The following GTF2A1 variants were observed in gnomAD, a reference collection of about 807,000 sequenced individuals.
GTF2A1 encodes the protein transcription initiation factor IIA subunit 1.
In GTF2A1, 12 loss-of-function variants were observed where a neutral mutation model predicts 54.1. The ratio of observed to expected loss-of-function variants is 0.22; its 90% CI spans 0.14 to 0.36. The LOEUF is 0.36. Among genes scored for constraint, GTF2A1 ranks in the 10% least tolerant of loss-of-function variants. The pLI, the probability that GTF2A1 is intolerant of heterozygous loss-of-function variation, is 1.00. For synonymous variants in GTF2A1, 145 were observed against 152.0 expected (o/e 0.95, Z 0.34); for missense variants, 335 against 442.2 (o/e 0.76, Z 2.17).
intron 1 of GTF2A1, among the ~76,000 whole-genome samples, chr14:81,217,645 A>T (rs1201106340): frequency 1.3e-5 from 2 of 152,200 alleles, no homozygotes; most frequent in Non-Finnish European, 2.9e-5. Context: ...ACAAAAAATT[A>T]GCCAGGAGTG....
At position 81,195,969 on chromosome 14, in the gene GTF2A1, T is replaced by C. The variant is rs188777125; in HGVS notation, c.612+139A>G. On this transcript the variant is annotated intron_variant, in intron 6 of 8. Transcript: ENST00000553612. ...CATGCTGAATCTAAGTTAAGCTGTA[T>C]ACAGGAGAAATTTGAAACAACTGGG... 1.9e-4 allele frequency: 131 copies of C among 692,938 alleles called. No individual in the cohort carries two copies. In the African/African-American group the frequency reaches 2.2e-3, roughly 11 times the overall value. The allele number at this position is 692,938 out of a possible 1,614,324, so 42.9% of individuals were successfully genotyped here.
intron 1 of GTF2A1, 69 bp downstream of exon 1, chr14:81,220,420 C>A (rs1893603710): frequency 6.1e-6 from 7 of 1,146,054 alleles, no homozygotes; most frequent in Non-Finnish European, 8.6e-6. Context: ...GCCGTCCCCG[C>A]CCCCGCCCGG....
At chr14:81,201,507 T>C (rs1893110213) in intron 4 of GTF2A1, 87 bp downstream of exon 4, 1 of 705,754 alleles carries the variant, frequency 1.4e-6, no homozygotes. Context: ...AAACTTCAAG[T>C]AGTTAATATA....
chr14:81,197,362 C>T (rs1319366632), intron 5 of GTF2A1, 47 bp downstream of exon 5: 3 of 978,018 alleles, frequency 3.1e-6, no homozygotes, highest in African/African-American at 1.6e-5. Context: ...CTAGATAGTA[C>T]AATTTTCTGA....
chr14:81,203,206 T>C (rs75255404), intron 3 of GTF2A1, among the ~76,000 whole-genome samples: 3,347 of 152,344 alleles, frequency 0.022, 57 homozygotes, highest in Non-Finnish European at 0.035. Context: ...ACAAAGCCCT[T>C]ATAAGATGCC....
At chr14:81,204,563 A>G (rs1156589826) in intron 2 of GTF2A1, among the ~76,000 whole-genome samples, 4 of 152,212 alleles carry the variant, frequency 2.6e-5, no homozygotes, top group African/African-American at 7.2e-5. Context: ...ACATAAATTC[A>G]TTTACAACAG....
At chr14:81,204,329 C>CT (rs543048166) in intron 2 of GTF2A1, 197 of 669,364 alleles carry the variant, frequency 2.9e-4, no homozygotes, top group African/African-American at 2.6e-3. Flanking sequence ...GATTTTGTTT[C>CT]TTTTTTTTAT....
At chr14:81,189,332 A>G (rs575660575) in intron 7 of GTF2A1, among the ~76,000 whole-genome samples, 22 of 152,294 alleles carry the variant, frequency 1.4e-4, no homozygotes, top group African/African-American at 5.3e-4. Context: ...GAAATATATC[A>G]ACTACCATAG....
At chr14:81,209,885 A>G (rs545965783) in intron 2 of GTF2A1, 124 of 1,270,006 alleles carry the variant, frequency 9.8e-5, no homozygotes. Context: ...AAAGTCTACC[A>G]TTTCTACCAA....
chr14:81,210,014 G>A (rs909836594), intron 2 of GTF2A1: 22 of 597,746 alleles, frequency 3.7e-5, no homozygotes, highest in Middle Eastern at 3.0e-4. Flanking sequence ...TGACATTTTC[G>A]GCAGGACAAT....
chr14:81,212,448 T>A (rs2140039985), intron 2 of GTF2A1, among the ~76,000 whole-genome samples: 1 of 152,330 alleles, frequency 6.6e-6, no homozygotes, highest in South Asian at 2.1e-4. Context: ...AAAGTAGGCC[T>A]GCAGTGTTTC....
chr14:81,203,043 C>T (rs889958992), intron 3 of GTF2A1, among the ~76,000 whole-genome samples: 9 of 152,100 alleles, frequency 5.9e-5, no homozygotes, highest in African/African-American at 2.2e-4. Flanking sequence ...TTCTAGTGTC[C>T]TCTCCCATAA....
chr14:81,203,805 A>G (rs930096975), intron 3 of GTF2A1, 95 bp downstream of exon 3: 6 of 1,110,098 alleles, frequency 5.4e-6, no homozygotes, highest in Admixed American at 1.8e-5. Context: ...GTGCCCCTTA[A>G]AAGACAAGAT....
intron 8 of GTF2A1, 28 bp downstream of exon 8, chr14:81,185,503 G>A (rs371281719): frequency 4.4e-5 from 52 of 1,170,970 alleles, no homozygotes; most frequent in East Asian, 7.0e-5. Flanking sequence ...CACAAATAAC[G>A]TCAGTAATCT....
chr14:81,197,011 G>C (rs896080101), intron 5 of GTF2A1, among the ~76,000 whole-genome samples: 11 of 152,168 alleles, frequency 7.2e-5, no homozygotes, highest in African/African-American at 2.4e-4. Context: ...TCAATGAAGA[G>C]ATACTATGTA....
chr14:81,195,192 T>C (rs1046126323), intron 6 of GTF2A1, among the ~76,000 whole-genome samples: 3 of 144,914 alleles, frequency 2.1e-5, no homozygotes, highest in Non-Finnish European at 4.5e-5. Context: ...GGGCAAAAGA[T>C]GAGAGGCAGA....
At chr14:81,214,486 A>G (rs1893442621) in intron 2 of GTF2A1, among the ~76,000 whole-genome samples, 1 of 152,056 alleles carries the variant, frequency 6.6e-6, no homozygotes, top group Non-Finnish European at 1.5e-5. Flanking sequence ...TCTACTAAAA[A>G]TACAAAAAAA....
chr14:81,185,444 C>T, intron 8 of GTF2A1, 87 bp downstream of exon 8: 1 of 742,112 alleles, frequency 1.3e-6, no homozygotes, highest in Non-Finnish European at 2.4e-6. Context: ...AATCAGCTGC[C>T]CAAATGTTTC....
intron 2 of GTF2A1, among the ~76,000 whole-genome samples, chr14:81,209,437 A>G (rs1893313797): frequency 1.3e-5 from 2 of 152,178 alleles, no homozygotes; most frequent in Non-Finnish European, 1.5e-5. Flanking sequence ...CGTCTTTATC[A>G]GCAGTATGTA....
Sources: allele counts gnomAD v4.1 joint callset (sites outside exome capture counted in the v4.1 genomes callset), GRCh38; gene constraint gnomAD v4.1.1; transcripts MANE v1.5; gene names NCBI Gene and HGNC (gene_info 2026-07-23, HGNC 2026-07-21).